TEC: variants seen among roughly 807,000 people sequenced by gnomAD.
TEC encodes tyrosine-protein kinase Tec.
TEC carries 72 observed loss-of-function variants against 93.0 expected under a neutral mutation model. That is an observed-to-expected ratio of 0.77 (90% CI 0.64 to 0.94). TEC has a LOEUF of 0.94. TEC is among the 40% of genes least tolerant of loss of function. The pLI is 0.00. For missense variants in TEC, 630 were observed against 757.9 expected, an observed-to-expected ratio of 0.83 and a Z score of 1.98; for synonymous variants, 249 against 247.7, an observed-to-expected ratio of 1.01 and a Z score of -0.05.
rs961818658 is a variant in TEC, at chr4:48,145,443, G to T, written c.1218C>A (p.Cys406Ter). Residue 406 changes from cysteine (C) to a stop codon, truncating the protein, a stop_gained, in exon 13 of 18, where the codon TGC becomes TGA. Coordinates refer to ENST00000381501, the MANE Select transcript of TEC (RefSeq NM_003215.3). LOFTEE classifies it high-confidence loss of function. ...AIKAIREGAM[C>*]EEDFIEEAKV... ...TAGCTTCTTCTATAAAGTCCTCCTC[G>T]CACATTGCACCTTCCCGAATAGCTT... 2 of 1,614,050 alleles carry T rather than the reference G, an allele frequency of 1.2e-6. No homozygotes were observed. The highest frequency in any genetic ancestry group is 8.5e-7 in the Non-Finnish European group (1 of 1,180,014).
At chr4:48,161,128 C>T (rs546445552) in intron 8 of TEC, among the ~76,000 whole-genome samples, 2 of 151,880 alleles carry the variant, frequency 1.3e-5, no homozygotes, top group Admixed American at 6.6e-5. Flanking sequence ...TCTTTTAACC[C>T]GGAAAGGTCA....
intron 1 of TEC, among the ~76,000 whole-genome samples, chr4:48,233,599 G>T (rs998406870): frequency 6.6e-6 from 1 of 151,214 alleles, no homozygotes; most frequent in Non-Finnish European, 1.5e-5. Flanking sequence ...AAAAGGGCAA[G>T]TTGGAAGAAA....
Position 48,171,510 on chromosome 4 carries a change from C to A in TEC, c.244-61G>T, listed in dbSNP as rs552642185. On this transcript the variant is annotated intron_variant, in intron 3 of 17. Transcript: ENST00000381501. Reference sequence around the variant, plus strand: ...ACTTAGACACAGCACTTCTGTCTAGCACAGAACCCTTGGTACTACAGACAC... The same window carrying A: ...ACTTAGACACAGCACTTCTGTCTAGAACAGAACCCTTGGTACTACAGACAC... The A allele has an allele frequency of 4.6e-5, 61 of 1,330,928 alleles. 1 individual carries two copies. In the East Asian group the frequency reaches 1.3e-3, roughly 29 times the overall value. 82.4% of individuals were successfully genotyped at this position (1,330,928 alleles called of 1,614,324 possible). A position where few individuals can be genotyped will look rare whatever the true frequency, so the allele number is the denominator to read the frequency against.
At chr4:48,243,036 A>G (rs867340172) in intron 1 of TEC, among the ~76,000 whole-genome samples, 6 of 152,304 alleles carry the variant, frequency 3.9e-5, no homozygotes, top group Middle Eastern at 6.8e-3. Context: ...TCCTCATTTT[A>G]CTACTGTGTT....
At chr4:48,267,484 T>C (rs1206779171) in intron 1 of TEC, among the ~76,000 whole-genome samples, 1 of 152,214 alleles carries the variant, frequency 6.6e-6, no homozygotes, top group East Asian at 1.9e-4. Flanking sequence ...AAACCTTTTA[T>C]AATAGCATAA....
At chr4:48,141,682 TTTC>T (rs1420325875) in intron 14 of TEC, 32 of 273,782 alleles carry the variant, frequency 1.2e-4, no homozygotes, top group East Asian at 6.4e-4. Context: ...TTTTCTTTTC[TTTC>T]TTTTTTTTTT....
At chr4:48,148,469 A>AT (rs1720009406) in intron 11 of TEC, among the ~76,000 whole-genome samples, 2 of 152,054 alleles carry the variant, frequency 1.3e-5, no homozygotes, top group South Asian at 4.2e-4. Flanking sequence ...GGTTTCTGTT[A>AT]TTTTTTGGTA....
chr4:48,239,074 T>A (rs942567222), intron 1 of TEC, among the ~76,000 whole-genome samples: 1 of 152,176 alleles, frequency 6.6e-6, no homozygotes, highest in Admixed American at 6.5e-5. Flanking sequence ...TCGGTTAACA[T>A]TTATTCTATG....
rs1723065740 is a variant in TEC, at chr4:48,215,956, A to G, written c.138+12521T>C. On this transcript the variant is annotated intron_variant, in intron 2 of 17. Transcript: ENST00000381501. ...TCCTTATCTTCAGTTTTCACAAGTG[A>G]AAAATCTGGAGGTGATTCTTTAAAG... is the stretch of plus-strand genomic sequence containing the variant. Among the ~76,000 whole-genome samples, 6 of 152,338 alleles carry G rather than the reference A, an allele frequency of 3.9e-5. No individual in the cohort carries two copies. The South Asian group carries it at 1.2e-3, about 32-fold the overall frequency.
rs1719538882 is a variant in TEC at position 48,138,805 on chromosome 4, C to G, written c.1672G>C (p.Val558Leu). 6.2e-7 allele frequency: 1 copy of G among 1,613,772 alleles called. No individual in the cohort carries two copies. The highest frequency in any genetic ancestry group is 2.2e-5 in the East Asian group (1 of 44,882). Reference sequence around the variant, plus strand: ...AAAGGCATTCTGCCTTCCGTGAATACTTCCCACATTAAAACACCTGGAAAA... The same window carrying G: ...AAAGGCATTCTGCCTTCCGTGAATAGTTCCCACATTAAAACACCTGGAAAA... ...VWSFGVLMWE[V>L]FTEGRMPFEK... Residue 558 changes from valine to leucine, a missense_variant, in exon 17 of 18, where the codon GTA becomes CTA. Coordinates refer to ENST00000381501, the MANE Select transcript of TEC (RefSeq NM_003215.3).
intron 1 of TEC, among the ~76,000 whole-genome samples, chr4:48,254,499 C>T (rs1418133786): frequency 6.6e-6 from 1 of 152,134 alleles, no homozygotes; most frequent in African/African-American, 2.4e-5. Context: ...TTTGGGAAGG[C>T]AGCCAGCAGA....
At chr4:48,229,825 G>A (rs2109641044) in intron 1 of TEC, among the ~76,000 whole-genome samples, 1 of 151,990 alleles carries the variant, frequency 6.6e-6, no homozygotes, top group South Asian at 2.1e-4. Context: ...TGTAATCCCA[G>A]CACTTTGGGA....
intron 5 of TEC, 74 bp from the exon 6 acceptor site, chr4:48,168,700 T>G (rs568361778): frequency 1.6e-5 from 25 of 1,526,902 alleles, no homozygotes; most frequent in Non-Finnish European, 2.1e-5. Flanking sequence ...TATGGGTAGT[T>G]TTAAGGAAAA....
chr4:48,169,338 G>A (rs76243113), intron 5 of TEC, among the ~76,000 whole-genome samples: 8 of 151,976 alleles, frequency 5.3e-5, no homozygotes, highest in African/African-American at 1.9e-4. Flanking sequence ...TTTACAGCAG[G>A]TCAGACTGTG....
chr4:48,259,671 A>T (rs1325118440), intron 1 of TEC, among the ~76,000 whole-genome samples: 1 of 151,278 alleles, frequency 6.6e-6, no homozygotes, highest in East Asian at 1.9e-4. Context: ...AGTCGAGATC[A>T]TGCCACTGTA....
At chr4:48,160,573 A>T (rs1162824736) in intron 8 of TEC, among the ~76,000 whole-genome samples, 1 of 151,914 alleles carries the variant, frequency 6.6e-6, no homozygotes, top group East Asian at 1.9e-4. Flanking sequence ...CTAAAAATAC[A>T]AAAATGAGCT....
At chr4:48,207,319 T>A (rs1441466423) in intron 2 of TEC, among the ~76,000 whole-genome samples, 1 of 152,166 alleles carries the variant, frequency 6.6e-6, no homozygotes, top group African/African-American at 2.4e-5. Context: ...AGGCATCAGG[T>A]GCTTTAACCC....
intron 2 of TEC, among the ~76,000 whole-genome samples, chr4:48,225,299 T>G (rs1205161505): frequency 6.6e-6 from 1 of 152,060 alleles, no homozygotes; most frequent in Non-Finnish European, 1.5e-5. Flanking sequence ...CTCAGCCTCC[T>G]GAGTAGCTGG....
At chr4:48,257,795 A>C (rs904089301) in intron 1 of TEC, among the ~76,000 whole-genome samples, 3 of 17,666 alleles carry the variant, frequency 1.7e-4, no homozygotes, top group Admixed American at 2.9e-3. Context: ...CCCTGTCCAC[A>C]TGCCCATTTA....
Sources: gnomAD v4.1 joint callset for allele counts (sites outside exome capture counted in the v4.1 genomes callset) on GRCh38, gnomAD v4.1.1 for gene constraint, MANE v1.5 for transcripts, NCBI Gene and HGNC (gene_info 2026-07-23, HGNC 2026-07-21) for gene names.